The following DCHS2 variants were observed in gnomAD, a reference collection of about 807,000 sequenced individuals.
The protein encoded by DCHS2 is dachsous cadherin-related 2.
DCHS2 carries 142 observed loss-of-function variants against 182.4 expected under a neutral mutation model. The ratio of observed to expected loss-of-function variants is 0.78; its 90% confidence interval spans 0.68 to 0.89. DCHS2 has a LOEUF of 0.89. DCHS2 is among the 40% of genes least tolerant of loss of function. The probability of loss-of-function intolerance (pLI) is 0.00; values close to 1 mark genes in which losing one functional copy is unlikely to be tolerated. For missense variants in DCHS2, 4,319 were observed against 4,198.6 expected, an observed-to-expected ratio of 1.03 and a Z score of -0.79; for synonymous variants, 1,740 against 1,663.3, an observed-to-expected ratio of 1.05 and a Z score of -1.12.
chr4:154,490,377 G>A lies in DCHS2; in HGVS notation c.979C>T (p.Pro327Ser). ...ACGCTGTAGCGCACGAAGCCATTGGGCCCCAGGTCGCGGTCGGTGGCGCGC... is the reference window on the plus strand; with the variant it reads ...ACGCTGTAGCGCACGAAGCCATTGGACCCCAGGTCGCGGTCGGTGGCGCGC... ...RVRATDRDLG[P>S]NGFVRYSVRA... Residue 327 changes from proline to serine, a missense_variant, in exon 1 of 20, where the codon CCC becomes TCC. Physicochemically the swap from Pro to Ser is moderately conservative, Grantham distance 74. Transcript: ENST00000357232. 1 of 1,535,178 alleles carries A rather than the reference G, an allele frequency of 6.5e-7. No homozygotes were observed. The highest frequency in any genetic ancestry group is 8.7e-7 in the Non-Finnish European group (1 of 1,144,866).
chr4:154,333,499 AAAAG>A lies in DCHS2; in HGVS notation c.2714-9_2714-6del, dbSNP rs1355721130. The A allele has an allele frequency of 6.2e-7, 1 of 1,601,922 alleles. No individual in the cohort carries two copies. The highest frequency in any genetic ancestry group is 1.3e-5 in the African/African-American group (1 of 74,578). On this transcript the variant is annotated splice_polypyrimidine_tract_variant and splice_region_variant and intron_variant, in intron 4 of 19. Transcript: ENST00000357232. ...AAAAGATTGGTTCTGAGGAGTCTGA[AAAAG>A]AGAGAGGGGACAACCACTGTATGTC...
intron 3 of DCHS2, among the ~76,000 whole-genome samples, chr4:154,343,894 C>A (rs1561056941): frequency 6.6e-6 from 1 of 152,140 alleles, no homozygotes; most frequent in Non-Finnish European, 1.5e-5. Context: ...TTTTGTCATG[C>A]CTTCGTCACT....
chr4:154,309,610 C>T (rs1735593590), intron 10 of DCHS2, among the ~76,000 whole-genome samples: 2 of 152,138 alleles, frequency 1.3e-5, no homozygotes, highest in African/African-American at 4.8e-5. Flanking sequence ...ATCTATTCTT[C>T]CTGACTAAAC....
At chr4:154,378,929 A>G (rs1476247917) in intron 1 of DCHS2, among the ~76,000 whole-genome samples, 1 of 152,164 alleles carries the variant, frequency 6.6e-6, no homozygotes, top group East Asian at 1.9e-4. Flanking sequence ...TACCCCAGGT[A>G]TATGTTGTTT....
Position 154,489,318 on chromosome 4 carries a change from G to A in DCHS2, c.2038C>T (p.His680Tyr), listed in dbSNP as rs1728701221. Residue 680 changes from histidine (H) to tyrosine (Y), a missense_variant, in exon 1 of 20, where the codon CAC becomes TAC. Coordinates refer to ENST00000357232, the MANE Select transcript of DCHS2 (RefSeq NM_001358235.2). ...GATGCACTCACCTGCAGAAAGCAGTGTCCAACCGGGGCATGCTCTGCAATG... is the reference window on the plus strand; with the variant it reads ...GATGCACTCACCTGCAGAAAGCAGTATCCAACCGGGGCATGCTCTGCAATG... ...ATIAEHAPVG[H>Y]CFLQVTASDA... 1 of 1,523,512 alleles carries A rather than the reference G, an allele frequency of 6.6e-7. No homozygotes were observed. Among genetic ancestry groups the A allele is most frequent in the East Asian group, 2.5e-5 (1 of 40,432 alleles). 94.4% of individuals were successfully genotyped at this position (1,523,512 alleles called of 1,614,324 possible). A position where few individuals can be genotyped will look rare whatever the true frequency, so the allele number is the denominator to read the frequency against.
At chr4:154,376,508 G>A (rs1000064951) in intron 2 of DCHS2, among the ~76,000 whole-genome samples, 1 of 152,098 alleles carries the variant, frequency 6.6e-6, no homozygotes, top group Non-Finnish European at 1.5e-5. Context: ...TGCAATTCCT[G>A]TATGAATTAT....
chr4:154,231,965 T>C lies in DCHS2; in HGVS notation c.*2571A>G, dbSNP rs142676905. On this transcript the variant is annotated 3_prime_UTR_variant, in exon 20 of 20. Transcript: ENST00000357232. ...TAGGACATGGAATTTTGATATCCAT[T>C]TGGTACTGATTTACACCAGTATTTT... is the stretch of plus-strand genomic sequence containing the variant. 8.5e-4 allele frequency: 129 copies of C among 152,266 alleles called. No homozygotes were observed. Among genetic ancestry groups the C allele is most frequent in the African/African-American group, 3.1e-3 (127 of 41,558 alleles). 9.4% of individuals were successfully genotyped at this position (152,266 alleles called of 1,614,324 possible).
At position 154,298,299 on chromosome 4, in the gene DCHS2, A is replaced by G. The variant is rs773479641; in HGVS notation, c.6015T>C (p.Phe2005=). Residue 2005 remains phenylalanine, a synonymous_variant, in exon 13 of 20, where the codon TTT becomes TTC. Transcript: ENST00000357232. ...LDREARSQHT[F]SAVARDCSIQ... is the part of the protein sequence containing the mutation. ...TGCTACAGTCTCTGGCCACAGCACT[A>G]AATGTATGCTGAGATCTGGCTTCAC... 2.5e-6 allele frequency: 4 copies of G among 1,614,182 alleles called. No individual in the cohort carries two copies. The highest frequency in any genetic ancestry group is 3.4e-6 in the Non-Finnish European group (4 of 1,180,020).
chr4:154,310,501 A>C (rs1478912147), intron 10 of DCHS2, among the ~76,000 whole-genome samples: 1 of 152,206 alleles, frequency 6.6e-6, no homozygotes, highest in Non-Finnish European at 1.5e-5. Context: ...CTTATCATGT[A>C]TGACATGCTC....
chr4:154,249,749 G>T (rs934723478), intron 16 of DCHS2, among the ~76,000 whole-genome samples: 1 of 152,148 alleles, frequency 6.6e-6, no homozygotes, highest in Non-Finnish European at 1.5e-5. Flanking sequence ...GCAGAAACAT[G>T]GATAGAGATG....
chr4:154,259,517 C>T (rs771510336), intron 15 of DCHS2, 28 bp downstream of exon 15: 13 of 1,610,072 alleles, frequency 8.1e-6, no homozygotes, highest in Non-Finnish European at 1.1e-5. Flanking sequence ...CACACACACA[C>T]ACACACACAC....
chr4:154,336,077 G>T (rs1728796134), intron 3 of DCHS2, among the ~76,000 whole-genome samples: 1 of 152,108 alleles, frequency 6.6e-6, no homozygotes, highest in East Asian at 1.9e-4. Context: ...GACCGTGTAG[G>T]GTAGCTCTCT....
chr4:154,315,371 A>G (rs573665985), intron 10 of DCHS2, among the ~76,000 whole-genome samples: 51 of 152,292 alleles, frequency 3.3e-4, no homozygotes, highest in Middle Eastern at 6.8e-3. Context: ...CCACTATGCT[A>G]TATATACAGA....
chr4:154,445,304 A>C (rs1472774166), intron 1 of DCHS2, among the ~76,000 whole-genome samples: 1 of 152,220 alleles, frequency 6.6e-6, no homozygotes, highest in Non-Finnish European at 1.5e-5. Context: ...TCTTGTCTTC[A>C]TGCTCTGAGA....
rs1052320568 is a variant in DCHS2 at position 154,400,603 on chromosome 4, A to G, written c.2053-23159T>C. On this transcript the variant is annotated intron_variant, in intron 1 of 19. Transcript: ENST00000357232. ...TAGGAACCTACTCTGAACACCAAAA[A>G]GAAGAATGCGGCTCTTCACTTCGGG... Among the ~76,000 whole-genome samples the G allele has an allele frequency of 2.6e-5, 4 of 152,202 alleles. No individual in the cohort carries two copies. The East Asian group carries it at 7.7e-4, about 29-fold the overall frequency.
intron 13 of DCHS2, among the ~76,000 whole-genome samples, chr4:154,288,599 T>C (rs943919505): frequency 2.0e-5 from 3 of 152,016 alleles, no homozygotes; most frequent in Admixed American, 2.0e-4. Flanking sequence ...TTTCATCCAA[T>C]GAAATGGATG....
In DCHS2 at chr4:154,336,265, T is replaced by C. The variant is rs1410481231; in HGVS notation, c.2477-1161A>G. On this transcript the variant is annotated intron_variant, in intron 3 of 19. Coordinates refer to ENST00000357232, the MANE Select transcript of DCHS2 (RefSeq NM_001358235.2). ...GCTAAGTTGGGAAGAGATTCGGTAATACTGACAAAAATGAATTATTTAATA... is the reference window on the plus strand; with the variant it reads ...GCTAAGTTGGGAAGAGATTCGGTAACACTGACAAAAATGAATTATTTAATA... Among the ~76,000 whole-genome samples the C allele has an allele frequency of 3.3e-5, 5 of 152,176 alleles. 1 individual carries two copies. The highest frequency in any genetic ancestry group is 7.3e-5 in the Non-Finnish European group (5 of 68,028).
chr4:154,385,574 G>A (rs1029466927), intron 1 of DCHS2, among the ~76,000 whole-genome samples: 2 of 152,006 alleles, frequency 1.3e-5, no homozygotes, highest in Admixed American at 6.6e-5. Flanking sequence ...TGCAACCTCC[G>A]CCTCCTGGGT....
At position 154,235,587 on chromosome 4, in the gene DCHS2, T is replaced by TTTTG. The variant is rs1295866006; in HGVS notation, c.9061_9064dup (p.Lys3022ThrfsTer9). On this transcript the variant is annotated frameshift_variant, in exon 20 of 20. Coordinates refer to ENST00000357232, the MANE Select transcript of DCHS2 (RefSeq NM_001358235.2). LOFTEE classifies it low-confidence loss of function (END_TRUNC). ...CTCCTCATAATTGTTTATTGTGTCT[T>TTTTG]TTTGTTTATGTCTTAAAATCATTAC... 1.9e-6 allele frequency: 3 copies of TTTTG among 1,614,030 alleles called. No individual in the cohort carries two copies. The highest frequency in any genetic ancestry group is 2.2e-5 in the South Asian group (2 of 91,078).
Sources: gnomAD v4.1 joint callset for allele counts (sites outside exome capture counted in the v4.1 genomes callset) on GRCh38, gnomAD v4.1.1 for gene constraint, MANE v1.5 for transcripts, NCBI Gene and HGNC (gene_info 2026-07-23, HGNC 2026-07-21) for gene names.